Variants in FARP2 observed in about 807,000 individuals in gnomAD.
FARP2 encodes FERM, ARH/RhoGEF and pleckstrin domain protein 2.
In FARP2, 111 loss-of-function variants were observed where a neutral mutation model predicts 130.5. That is an observed-to-expected ratio of 0.85 (90% CI 0.73 to 1.00). The LOEUF is 1.00. FARP2 is among the 50% of genes least tolerant of loss of function. FARP2 has a pLI of 0.00. For missense variants in FARP2, 1,385 were observed against 1,346.3 expected, an observed-to-expected ratio of 1.03 and a Z score of -0.45; for synonymous variants, 504 against 516.9, an observed-to-expected ratio of 0.98 and a Z score of 0.34.
chr2:241,357,588 A>G (rs1477761020), intron 1 of FARP2, among the ~76,000 whole-genome samples: 1 of 152,210 alleles, frequency 6.6e-6, no homozygotes, highest in African/African-American at 2.4e-5. Context: ...GTTTTAAAGT[A>G]GAGGAAAGGG....
At chr2:241,480,711 G>A (rs1262548423) in intron 19 of FARP2, among the ~76,000 whole-genome samples, 1 of 152,058 alleles carries the variant, frequency 6.6e-6, no homozygotes, top group Non-Finnish European at 1.5e-5. Context: ...AAGGAAGAAA[G>A]AAAGAAAGCC....
chr2:241,488,632 C>T (rs2064820749), intron 21 of FARP2: 1 of 152,036 alleles, frequency 6.6e-6, no homozygotes. Flanking sequence ...GATCTCCTGA[C>T]CTTGTGATCC....
chr2:241,451,756 TTTTTTTTTC>T (rs1330637215), intron 13 of FARP2, among the ~76,000 whole-genome samples: 1 of 151,548 alleles, frequency 6.6e-6, no homozygotes, highest in East Asian at 1.9e-4. Flanking sequence ...CTTCTCTGCC[TTTTTTTTTC>T]TTTTTTTGAG....
In FARP2 at chr2:241,475,418, G is replaced by A. The variant is rs1210137486; in HGVS notation, c.2132-439G>A. On this transcript the variant is annotated intron_variant, in intron 18 of 26. Coordinates refer to ENST00000264042, the MANE Select transcript of FARP2 (RefSeq NM_014808.4). This position sits in a 1 kb window ranked among gnomAD's most constrained non-coding sequence, Gnocchi z 4.4. Reference sequence around the variant, plus strand: ...TAGGAACCAGGCCACACGGCAGGAGGTGAGTGGCGGGCAAGTGAAGCTTCT... The same window carrying A: ...TAGGAACCAGGCCACACGGCAGGAGATGAGTGGCGGGCAAGTGAAGCTTCT... Among the ~76,000 whole-genome samples the A allele has an allele frequency of 2.0e-5, 3 of 152,310 alleles. No homozygotes were observed. The highest frequency in any genetic ancestry group is 7.2e-5 in the African/African-American group (3 of 41,566).
At chr2:241,421,856 A>C (rs892039791) in intron 8 of FARP2, among the ~76,000 whole-genome samples, 1 of 152,164 alleles carries the variant, frequency 6.6e-6, no homozygotes, top group Non-Finnish European at 1.5e-5. Context: ...AGCCCTAAAA[A>C]CAACAGGCCA....
intron 18 of FARP2, chr2:241,471,472 T>TTGC (rs2064303050): frequency 7.1e-6 from 1 of 141,300 alleles, no homozygotes; most frequent in Non-Finnish European, 1.5e-5. Context: ...TCTGAGGGGG[T>TTGC]TGCTCTTCTT....
At chr2:241,401,429 T>C (rs1246990176) in intron 2 of FARP2, among the ~76,000 whole-genome samples, 2 of 152,262 alleles carry the variant, frequency 1.3e-5, no homozygotes, top group Non-Finnish European at 2.9e-5. Flanking sequence ...TCCAAACTTA[T>C]TTTTATTACA....
intron 2 of FARP2, among the ~76,000 whole-genome samples, chr2:241,389,921 G>A (rs778355149): frequency 5.9e-5 from 9 of 152,114 alleles, no homozygotes; most frequent in Non-Finnish European, 1.2e-4. Context: ...GCCATGACTC[G>A]AGCTTGGTAT....
rs777509901 is a variant in FARP2, at chr2:241,465,857, G to A, written c.1893+1877G>A. 164 of 1,509,644 alleles carry A rather than the reference G, an allele frequency of 1.1e-4. 1 individual carries two copies. Among genetic ancestry groups the A allele is most frequent in the Non-Finnish European group, 1.4e-4 (159 of 1,127,034 alleles). The allele number at this position is 1,509,644 out of a possible 1,614,324, so 93.5% of individuals were successfully genotyped here. On this transcript the variant is annotated intron_variant, in intron 17 of 26. Transcript: ENST00000264042. The stretch of plus-strand genomic sequence containing the variant: ...CACCTAGAGTTCCCAAGGGACTATA[G>A]GTTTTGCTGTTCTGTGTTGAGATAG...
In FARP2 at chr2:241,468,343, C is replaced by T; in HGVS notation, c.2097C>T (p.Tyr699=). The T allele has an allele frequency of 6.2e-7, 1 of 1,613,336 alleles. No individual in the cohort carries two copies. The highest frequency in any genetic ancestry group is 8.5e-7 in the Non-Finnish European group (1 of 1,179,958). ...TGCTGCGCCGCCTATGCGGACATTA[C>T]AGCCCCGGGCACCATGACTACGCTG... ...RLLLRRLCGH[Y]SPGHHDYADC... The change falls in exon 18 of 27, where the codon TAC becomes TAT. Residue 699 remains tyrosine, a synonymous_variant. Coordinates refer to ENST00000264042, the MANE Select transcript of FARP2 (RefSeq NM_014808.4).
At chr2:241,411,252 T>C in intron 6 of FARP2, 122 bp downstream of exon 6, 1 of 667,328 alleles carries the variant, frequency 1.5e-6, no homozygotes, top group Middle Eastern at 4.0e-4. Context: ...TAGAATGAGG[T>C]GTTTCAACTT....
chr2:241,477,532 A>G (rs901440807), intron 19 of FARP2, among the ~76,000 whole-genome samples: 6 of 152,206 alleles, frequency 3.9e-5, no homozygotes, highest in African/African-American at 1.4e-4. Flanking sequence ...GGCTGTTACG[A>G]ATAGTGCTGC....
At chr2:241,461,524 C>T (rs1219634966) in intron 14 of FARP2, among the ~76,000 whole-genome samples, 1 of 152,254 alleles carries the variant, frequency 6.6e-6, no homozygotes, top group African/African-American at 2.4e-5. Context: ...CCGGTCTGCT[C>T]TGAGTGAGGC....
At chr2:241,380,287 A>T (rs907583631) in intron 2 of FARP2, among the ~76,000 whole-genome samples, 11 of 152,212 alleles carry the variant, frequency 7.2e-5, no homozygotes, top group Non-Finnish European at 1.3e-4. Context: ...TGAGAGTTCT[A>T]GCACCCAATG....
At chr2:241,412,311 C>G (rs1181160176) in intron 6 of FARP2, among the ~76,000 whole-genome samples, 1 of 152,144 alleles carries the variant, frequency 6.6e-6, no homozygotes, top group Non-Finnish European at 1.5e-5. Flanking sequence ...CTGGGTCCCT[C>G]CCACAGTAAG....
intron 1 of FARP2, among the ~76,000 whole-genome samples, chr2:241,356,792 A>G (rs370612962): frequency 2.6e-5 from 4 of 152,210 alleles, no homozygotes; most frequent in African/African-American, 9.6e-5. Context: ...TCCCGGAAGG[A>G]CACCCCAGAG....
intron 2 of FARP2, among the ~76,000 whole-genome samples, chr2:241,373,894 A>G (rs999527552): frequency 6.6e-6 from 1 of 152,220 alleles, no homozygotes; most frequent in Non-Finnish European, 1.5e-5. Context: ...TATACTAAGA[A>G]TATATGCATA....
In FARP2 at chr2:241,456,812, G is replaced by A. The variant is rs764356313; in HGVS notation, c.1477G>A (p.Ala493Thr). The change falls in exon 14 of 27, where the codon GCA becomes ACA. Residue 493 changes from alanine to threonine, a missense_variant. Transcript: ENST00000264042. The part of the protein sequence containing the change: ...SRKSPLSLSP[A>T]FQVPLGPAEQ... ...GAAGAGCCCCCTGAGTCTGAGCCCT[G>A]CATTTCAGGTGCCTTTGGGCCCAGC... 1 of 1,614,092 alleles carries A rather than the reference G, an allele frequency of 6.2e-7. No homozygotes were observed. The highest frequency in any genetic ancestry group is 1.7e-5 in the Admixed American group (1 of 60,022).
chr2:241,383,413 A>G (rs937609511), intron 2 of FARP2, among the ~76,000 whole-genome samples: 1 of 152,226 alleles, frequency 6.6e-6, no homozygotes, highest in Non-Finnish European at 1.5e-5. Flanking sequence ...TGTTCTTGAG[A>G]ACAGTGTTCA....
Sources: allele counts gnomAD v4.1 joint callset (sites outside exome capture counted in the v4.1 genomes callset), GRCh38; gene constraint gnomAD v4.1.1; non-coding constraint Gnocchi (gnomAD v3.1); transcripts MANE v1.5; gene names NCBI Gene and HGNC (gene_info 2026-07-23, HGNC 2026-07-21).